SUMF1: variants seen among roughly 807,000 people sequenced by gnomAD.
SUMF1 encodes the protein sulfatase modifying factor 1.
In SUMF1, 48 loss-of-function variants were observed where a neutral mutation model predicts 47.6. The observed-to-expected ratio is 1.01, with a 90% CI of 0.80 to 1.28. The LOEUF is 1.28. SUMF1 is among the 50% of genes most tolerant of loss of function. The pLI, the probability that SUMF1 is intolerant of heterozygous loss-of-function variation, is 0.00. For missense variants in SUMF1, 571 were observed against 485.4 expected (o/e 1.18, Z -1.66); for synonymous variants, 230 against 192.1 (o/e 1.20, Z -1.63).
At chr3:4,066,093 G>C (rs1042364352) in intron 9 of SUMF1, among the ~76,000 whole-genome samples, 3 of 152,030 alleles carry the variant, frequency 2.0e-5, no homozygotes, top group Non-Finnish European at 2.9e-5. Context: ...GGGTAGGGAA[G>C]GGTGAAAAGT....
intron 9 of SUMF1, among the ~76,000 whole-genome samples, chr3:4,034,733 A>G (rs1694761123): frequency 6.6e-6 from 1 of 152,040 alleles, no homozygotes; most frequent in Admixed American, 6.6e-5. Flanking sequence ...AAGATTTCAC[A>G]GGCAATTGAT....
At chr3:4,319,598 A>G (rs1698778130) in intron 8 of SUMF1, among the ~76,000 whole-genome samples, 1 of 152,222 alleles carries the variant, frequency 6.6e-6, no homozygotes, top group African/African-American at 2.4e-5. Flanking sequence ...TGAAGGGTCA[A>G]TTTCCATGTG....
chr3:4,200,563 C>A (rs1695519260), intron 8 of SUMF1, among the ~76,000 whole-genome samples: 1 of 152,104 alleles, frequency 6.6e-6, no homozygotes, highest in East Asian at 1.9e-4. Flanking sequence ...CTTAGAGTTA[C>A]ACCATGAGTT....
intron 2 of SUMF1, 62 bp from the exon 3 acceptor site, chr3:4,449,402 C>T (rs1702893796): frequency 1.4e-6 from 2 of 1,477,268 alleles, no homozygotes; most frequent in African/African-American, 1.4e-5. Flanking sequence ...GCATGTGTGC[C>T]CTTTTCTCTC....
At chr3:4,325,441 G>T (rs567806518) in intron 8 of SUMF1, among the ~76,000 whole-genome samples, 205 of 152,134 alleles carry the variant, frequency 1.3e-3, no homozygotes, top group African/African-American at 4.7e-3. Flanking sequence ...AGCAGCAAAG[G>T]GAAAGCAATT....
intron 8 of SUMF1, among the ~76,000 whole-genome samples, chr3:4,073,032 A>T: frequency 6.6e-6 from 1 of 152,110 alleles, no homozygotes; most frequent in East Asian, 1.9e-4. Flanking sequence ...AGACAAAACC[A>T]TCCGACTCAC....
intron 3 of SUMF1, among the ~76,000 whole-genome samples, chr3:4,422,503 A>C (rs935068930): frequency 7.9e-5 from 12 of 152,158 alleles, no homozygotes; most frequent in African/African-American, 2.7e-4. Context: ...AAAAAAAAAA[A>C]AAAACATGAT....
intron 8 of SUMF1, among the ~76,000 whole-genome samples, chr3:4,092,829 T>C (rs746321125): frequency 1.6e-4 from 24 of 152,048 alleles, no homozygotes; most frequent in Non-Finnish European, 2.8e-4. Flanking sequence ...CTGAACTTCA[T>C]ATGGCCAAGT....
chr3:4,240,437 T>G (rs572513315), intron 8 of SUMF1, among the ~76,000 whole-genome samples: 27 of 152,198 alleles, frequency 1.8e-4, no homozygotes, highest in Non-Finnish European at 2.6e-4. Flanking sequence ...AAGTTTGTGA[T>G]GGTAATAAAG....
At chr3:4,393,753 C>T (rs1315554673) in intron 7 of SUMF1, among the ~76,000 whole-genome samples, 1 of 152,092 alleles carries the variant, frequency 6.6e-6, no homozygotes, top group Non-Finnish European at 1.5e-5. Context: ...TTGGCCAAAG[C>T]TATAGAAGTT....
intron 8 of SUMF1, among the ~76,000 whole-genome samples, chr3:4,331,830 C>CA (rs1559229126): frequency 6.6e-6 from 1 of 151,688 alleles, no homozygotes; most frequent in Non-Finnish European, 1.5e-5. Flanking sequence ...ACTCCATCTC[C>CA]AAAAAATTAA....
intron 7 of SUMF1, among the ~76,000 whole-genome samples, chr3:4,379,709 G>A (rs1700439775): frequency 6.6e-6 from 1 of 152,050 alleles, no homozygotes; most frequent in African/African-American, 2.4e-5. Flanking sequence ...GGTCGTGGTG[G>A]CACACACCTA....
intron 8 of SUMF1, among the ~76,000 whole-genome samples, chr3:4,080,988 G>A (rs1692547763): frequency 6.6e-6 from 1 of 152,092 alleles, no homozygotes. Context: ...ACTGAAAAAT[G>A]GGAATAATGA....
At chr3:4,291,314 G>C (rs1697737889) in intron 8 of SUMF1, among the ~76,000 whole-genome samples, 1 of 151,974 alleles carries the variant, frequency 6.6e-6, no homozygotes. Flanking sequence ...AAATAATCCA[G>C]ATATTTTCGC....
Position 4,087,107 on chromosome 3 carries a change from AT to A in SUMF1, c.1015-18363del, listed in dbSNP as rs1415016051. On this transcript the variant is annotated intron_variant and NMD_transcript_variant, in intron 8 of 12. Transcript: ENST00000448413. Reference sequence around the variant, plus strand: ...GTTTCCAAAGAGCGATCACTAAATAATGATTCTATGGCGCTGAGCAACTTTG... The same window carrying A: ...GTTTCCAAAGAGCGATCACTAAATAAGATTCTATGGCGCTGAGCAACTTTG... 3.9e-5 allele frequency among the ~76,000 whole-genome samples: 6 copies of A among 152,184 alleles called. No individual in the cohort carries two copies. In the East Asian group the frequency reaches 1.2e-3, roughly 29 times the overall value.
intron 8 of SUMF1, among the ~76,000 whole-genome samples, chr3:4,337,213 TCTTC>T (rs1179440377): frequency 2.6e-5 from 1 of 38,124 alleles, no homozygotes; most frequent in African/African-American, 2.1e-4. Context: ...CTCCCTCCTT[TCTTC>T]CTTCCTTCCT....
At chr3:4,451,305 T>C (rs562921076) in intron 2 of SUMF1, among the ~76,000 whole-genome samples, 1 of 152,302 alleles carries the variant, frequency 6.6e-6, no homozygotes, top group Admixed American at 6.5e-5. Context: ...AAAATGTCTG[T>C]GATTTCTACT....
At position 4,330,070 on chromosome 3, in the gene SUMF1, C is replaced by T. The variant is rs945787923; in HGVS notation, c.1014+46260G>A. On this transcript the variant is annotated intron_variant and NMD_transcript_variant, in intron 8 of 12. Coordinates refer to the SUMF1 transcript ENST00000448413. The stretch of plus-strand genomic sequence containing the variant: ...CTTTGCTCCAGTTCCCAACAAGTTC[C>T]TCATCTCCATCTGAGACCACCTCAG... Among the ~76,000 whole-genome samples the T allele has an allele frequency of 3.3e-5, 5 of 152,136 alleles. No individual in the cohort carries two copies. In the South Asian group the frequency reaches 8.3e-4, roughly 25 times the overall value.
intron 8 of SUMF1, among the ~76,000 whole-genome samples, chr3:4,321,130 A>T (rs1698820404): frequency 6.6e-6 from 1 of 152,170 alleles, no homozygotes; most frequent in Non-Finnish European, 1.5e-5. Flanking sequence ...AGGAAGGATG[A>T]TCCATGTGGT....
Sources: gnomAD v4.1 joint callset for allele counts (sites outside exome capture counted in the v4.1 genomes callset) on GRCh38, gnomAD v4.1.1 for gene constraint, MANE v1.5 for transcripts, NCBI Gene and HGNC (gene_info 2026-07-23, HGNC 2026-07-21) for gene names.